The following PIN4 variants were observed in gnomAD, a reference collection of about 807,000 sequenced individuals.
The protein encoded by PIN4 is peptidyl-prolyl cis-trans isomerase NIMA-interacting 4.
PIN4 carries 3 observed loss-of-function variants against 8.3 expected under a neutral mutation model. That is an observed-to-expected ratio of 0.36 (90% CI 0.16 to 0.93). The LOEUF (loss-of-function observed/expected upper bound fraction) is 0.93, where lower values mean the gene tolerates loss of function less well. Ranked by LOEUF, PIN4 falls within the 40% of genes least tolerant of loss-of-function variation. The probability of loss-of-function intolerance (pLI) is 0.44; values close to 1 mark genes in which losing one functional copy is unlikely to be tolerated. For synonymous variants in PIN4, 18 were observed against 32.5 expected, an observed-to-expected ratio of 0.55 and a Z score of 1.52; for missense variants, 75 against 100.6, an observed-to-expected ratio of 0.75 and a Z score of 1.09.
Position 72,205,790 on chromosome X carries a change from C to T in PIN4, c.312+8886C>T, listed in dbSNP as rs770709541. 8 of 1,212,074 alleles carry T rather than the reference C, an allele frequency of 6.6e-6. No homozygotes were observed. In the South Asian group the frequency reaches 1.2e-4, roughly 19 times the overall value. Reference sequence around the variant, plus strand: ...CAACTGAGACATGTTTTGCTATGCACAAACCCTGCTCTGGAATTAGGTGCA... The same window carrying T: ...CAACTGAGACATGTTTTGCTATGCATAAACCCTGCTCTGGAATTAGGTGCA... On this transcript the variant is annotated intron_variant, in intron 3 of 3. Coordinates refer to the PIN4 transcript ENST00000423432.
chrX:72,250,284 C>T (rs2043081672), intron 3 of PIN4, among the ~76,000 whole-genome samples: 1 of 109,998 alleles, frequency 9.1e-6, no homozygotes, highest in African/African-American at 3.3e-5. Flanking sequence ...ATGTAAATTT[C>T]ATCTCAATTT....
At chrX:72,223,496 T>C (rs1419895412) in intron 3 of PIN4, among the ~76,000 whole-genome samples, 2 of 106,462 alleles carry the variant, frequency 1.9e-5, no homozygotes, top group Admixed American at 1.0e-4. Flanking sequence ...TTCAAGCGAT[T>C]CTCCTGCCTC....
intron 3 of PIN4, among the ~76,000 whole-genome samples, chrX:72,243,954 C>T (rs1266673491): frequency 2.7e-5 from 3 of 112,462 alleles, no homozygotes; most frequent in African/African-American, 9.7e-5. Flanking sequence ...AGCAGAATTC[C>T]AAACCCAGGC....
At chrX:72,238,754 A>T in intron 3 of PIN4, 1 of 872,030 alleles carries the variant, frequency 1.1e-6, no homozygotes, top group Non-Finnish European at 1.6e-6. Flanking sequence ...CCGCCTCAAC[A>T]GTTCGGGTCC....
chrX:72,223,061 G>A (rs185866449), intron 3 of PIN4, among the ~76,000 whole-genome samples: 25 of 105,303 alleles, frequency 2.4e-4, no homozygotes, highest in African/African-American at 7.9e-4. Flanking sequence ...GGTCAGCCGG[G>A]TGCAGTGGCT....
intron 1 of PIN4, among the ~76,000 whole-genome samples, chrX:72,182,324 C>T (rs151067111): frequency 2.7e-5 from 3 of 111,196 alleles, no homozygotes; most frequent in Non-Finnish European, 5.7e-5. Context: ...GGATGGATCA[C>T]GAGGTCAGGA....
chrX:72,212,281 T>A lies in PIN4; in HGVS notation c.312+15377T>A, dbSNP rs754980153. Among the ~76,000 whole-genome samples the A allele has an allele frequency of 3.2e-3, 350 of 109,054 alleles. 2 individuals carry two copies. Among genetic ancestry groups the A allele is most frequent in the East Asian group, 8.4e-3 (29 of 3,450 alleles). 94.7% of individuals were successfully genotyped at this position (109,054 alleles called of 115,157 possible). On this transcript the variant is annotated intron_variant, in intron 3 of 3. Coordinates refer to the PIN4 transcript ENST00000423432. ...CGAGACCCCATCTCAAAAAAAATAA[T>A]AATAATAATAATAAAATCATCTCTG...
chrX:72,206,474 C>T, intron 3 of PIN4: 2 of 1,211,101 alleles, frequency 1.7e-6, no homozygotes, highest in Non-Finnish European at 1.1e-6. Context: ...ATATCTTCTT[C>T]CTGAGTATGA....
chrX:72,255,694 T>C (rs1488520326), intron 3 of PIN4: 1 of 111,002 alleles, frequency 9.0e-6, no homozygotes, highest in Non-Finnish European at 1.9e-5. Flanking sequence ...CTCGCAATAA[T>C]TACCACCCCC....
At chrX:72,239,053 C>T (rs1310322956) in intron 3 of PIN4, 8 of 585,389 alleles carry the variant, frequency 1.4e-5, no homozygotes, top group African/African-American at 2.3e-5. Flanking sequence ...GAGAGGGACA[C>T]AGCCAACCGA....
chrX:72,183,279 G>A (rs989238739), intron 1 of PIN4, among the ~76,000 whole-genome samples: 2 of 111,810 alleles, frequency 1.8e-5, no homozygotes, highest in Admixed American at 9.5e-5. Context: ...ATGTAGTCAG[G>A]AAGTGGTTGG....
At chrX:72,196,684 G>GT (rs1359395722) in intron 2 of PIN4, 101 bp from the exon 3 acceptor site, 6,044 of 610,754 alleles carry the variant, frequency 9.9e-3, no homozygotes, top group Non-Finnish European at 0.012. Context: ...GAACTAATGT[G>GT]TTTTTTTTTT....
intron 3 of PIN4, among the ~76,000 whole-genome samples, chrX:72,222,766 T>G (rs1456880912): frequency 9.2e-6 from 1 of 108,523 alleles, no homozygotes; most frequent in Non-Finnish European, 1.9e-5. Context: ...CCCAGCTAAT[T>G]TTTGTATTTT....
chrX:72,224,891 C>T (rs1189753340), intron 3 of PIN4, among the ~76,000 whole-genome samples: 1 of 111,399 alleles, frequency 9.0e-6, no homozygotes, highest in East Asian at 2.8e-4. Flanking sequence ...AGTGGTCCCA[C>T]AATATCACCT....
At chrX:72,201,497 G>A (rs2147578628), downstream of PIN4, among the ~76,000 whole-genome samples, 1 of 111,246 alleles carries the variant, frequency 9.0e-6, no homozygotes, top group Non-Finnish European at 1.9e-5. Flanking sequence ...TCCTGGCAGG[G>A]GCAGGTAGGG....
At chrX:72,262,002 G>A (rs1315819920) in intron 3 of PIN4, among the ~76,000 whole-genome samples, 2 of 110,587 alleles carry the variant, frequency 1.8e-5, no homozygotes, top group African/African-American at 6.6e-5. Flanking sequence ...CCCTTCAGAT[G>A]CTTAAGTCAG....
chrX:72,233,114 T>A (rs1315952386), intron 3 of PIN4, among the ~76,000 whole-genome samples: 3 of 111,707 alleles, frequency 2.7e-5, no homozygotes, highest in Non-Finnish European at 5.6e-5. Flanking sequence ...AACCCATTGA[T>A]CAACCTTTCA....
intron 3 of PIN4, among the ~76,000 whole-genome samples, chrX:72,227,632 A>G (rs866361991): frequency 9.0e-6 from 1 of 110,767 alleles, no homozygotes; most frequent in African/African-American, 3.3e-5. Context: ...GCTGACAAAT[A>G]CCTGCCACAA....
chrX:72,222,892 G>A (rs1347502659), intron 3 of PIN4, among the ~76,000 whole-genome samples: 6 of 106,850 alleles, frequency 5.6e-5, no homozygotes, highest in African/African-American at 1.4e-4. Flanking sequence ...CACTGCGCCC[G>A]GCCTGAATCC....
Sources: gnomAD v4.1 joint callset for allele counts (sites outside exome capture counted in the v4.1 genomes callset) on GRCh38, gnomAD v4.1.1 for gene constraint, MANE v1.5 for transcripts, NCBI Gene and HGNC (gene_info 2026-07-23, HGNC 2026-07-21) for gene names.